The following CACNA1E variants were observed in gnomAD, a reference collection of about 807,000 sequenced individuals.
CACNA1E encodes the protein voltage-dependent R-type calcium channel subunit alpha-1E.
Under a neutral mutation model 259.2 loss-of-function variants are expected in CACNA1E, and 40 were observed. The ratio of observed to expected loss-of-function variants is 0.15; its 90% confidence interval spans 0.12 to 0.20. CACNA1E has a LOEUF of 0.20. CACNA1E is among the 10% of genes least tolerant of loss of function. CACNA1E has a pLI of 1.00. For missense variants in CACNA1E, 1,874 were observed against 3,040.1 expected, an observed-to-expected ratio of 0.62 and a Z score of 9.02; for synonymous variants, 1,104 against 1,138.5, an observed-to-expected ratio of 0.97 and a Z score of 0.61.
At chr1:181,356,052 A>C (rs1397193342) in intron 1 of CACNA1E, among the ~76,000 whole-genome samples, 2 of 152,056 alleles carry the variant, frequency 1.3e-5, no homozygotes, top group Admixed American at 1.3e-4. Context: ...CATTTTCATC[A>C]ACACCATAAA....
At chr1:181,351,056 T>C (rs1460430402) in intron 1 of CACNA1E, among the ~76,000 whole-genome samples, 1 of 152,170 alleles carries the variant, frequency 6.6e-6, no homozygotes, top group Non-Finnish European at 1.5e-5. Context: ...GAGACTGGGT[T>C]AGGAAAAGAC....
At chr1:181,694,295 TACTA>T (rs1426020096) in intron 7 of CACNA1E, among the ~76,000 whole-genome samples, 1 of 152,188 alleles carries the variant, frequency 6.6e-6, no homozygotes, top group African/African-American at 2.4e-5. Flanking sequence ...ACTTAAAACT[TACTA>T]GTCCTTTATA....
intron 3 of CACNA1E, among the ~76,000 whole-genome samples, chr1:181,528,056 C>A (rs1667492072): frequency 6.6e-6 from 1 of 151,996 alleles, no homozygotes; most frequent in Non-Finnish European, 1.5e-5. Flanking sequence ...CCCCATCTTT[C>A]CACTTCTGAT....
intron 3 of CACNA1E, among the ~76,000 whole-genome samples, chr1:181,552,266 C>T (rs914020408): frequency 2.6e-5 from 4 of 152,160 alleles, no homozygotes; most frequent in Non-Finnish European, 4.4e-5. Context: ...GATTCTCTGT[C>T]GTTCCCAGAT....
chr1:181,336,686 C>T (rs953248929), intron 1 of CACNA1E, among the ~76,000 whole-genome samples: 10 of 152,106 alleles, frequency 6.6e-5, no homozygotes, highest in Admixed American at 1.3e-4. Context: ...TTTTCATCTT[C>T]CCAAACTAGA....
Position 181,711,127 on chromosome 1 carries a change from C to T in CACNA1E, c.1171+58C>T, listed in dbSNP as rs113217900. The stretch of plus-strand genomic sequence containing the variant: ...TGGGCTGCAGAGACATCAGGGCCGG[C>T]CCCTCACTCCCAATGCTCCCATTCA... On this transcript the variant is annotated intron_variant, in intron 8 of 47. Coordinates refer to ENST00000367573, the MANE Select transcript of CACNA1E (RefSeq NM_001205293.3). 11 of 1,133,914 alleles carry T rather than the reference C, an allele frequency of 9.7e-6. 1 individual carries two copies. The South Asian group carries it at 1.2e-4, about 13-fold the overall frequency. 70.2% of individuals were successfully genotyped at this position (1,133,914 alleles called of 1,614,324 possible).
chr1:181,685,179 A>ATT (rs35187833), intron 7 of CACNA1E, among the ~76,000 whole-genome samples: 14,351 of 110,112 alleles, frequency 0.13, 838 homozygotes, highest in Admixed American at 0.17. Flanking sequence ...CAAAGGAAAC[A>ATT]TTTTTTTTTT....
intron 3 of CACNA1E, among the ~76,000 whole-genome samples, chr1:181,540,254 C>T (rs1353754787): frequency 2.6e-5 from 4 of 152,092 alleles, no homozygotes; most frequent in Non-Finnish European, 1.5e-5. Context: ...TCAGGAATGC[C>T]CTGTATCCTC....
At chr1:181,472,501 A>G (rs1245424758) in intron 2 of CACNA1E, among the ~76,000 whole-genome samples, 1 of 152,218 alleles carries the variant, frequency 6.6e-6, no homozygotes, top group Non-Finnish European at 1.5e-5. Context: ...AATGTACACA[A>G]TAAAATTTAT....
intron 25 of CACNA1E, among the ~76,000 whole-genome samples, chr1:181,749,935 C>T (rs1372242794): frequency 6.6e-6 from 1 of 152,174 alleles, no homozygotes; most frequent in African/African-American, 2.4e-5. Context: ...TTCTAAGAGA[C>T]ATCAGTGAGT....
At chr1:181,608,017 A>G (rs1449058865) in intron 6 of CACNA1E, among the ~76,000 whole-genome samples, 1 of 152,190 alleles carries the variant, frequency 6.6e-6, no homozygotes, top group African/African-American at 2.4e-5. Context: ...AGGTGAGGAA[A>G]TGAGGTTGTT....
chr1:181,381,896 C>T (rs551881230), intron 1 of CACNA1E, among the ~76,000 whole-genome samples: 24 of 152,220 alleles, frequency 1.6e-4, no homozygotes, highest in African/African-American at 5.1e-4. Context: ...GAACATATAG[C>T]TGAGAAAACC....
At chr1:181,388,472 G>A (rs887036515) in intron 1 of CACNA1E, among the ~76,000 whole-genome samples, 1 of 152,126 alleles carries the variant, frequency 6.6e-6, no homozygotes, top group African/African-American at 2.4e-5. Context: ...ATAGCCTATC[G>A]CTCCTAGGCT....
At chr1:181,755,881 C>T in intron 28 of CACNA1E, 75 bp from the exon 29 acceptor site, 5 of 1,442,254 alleles carry the variant, frequency 3.5e-6, no homozygotes, top group South Asian at 1.3e-5. Context: ...TTATTGCGGC[C>T]TGTAGAATGT....
chr1:181,364,586 G>A (rs1457364143), intron 1 of CACNA1E, among the ~76,000 whole-genome samples: 1 of 152,218 alleles, frequency 6.6e-6, no homozygotes, highest in African/African-American at 2.4e-5. Context: ...GGGTTGAATT[G>A]CAGGAAGCTA....
intron 7 of CACNA1E, among the ~76,000 whole-genome samples, chr1:181,672,016 A>G (rs1243014018): frequency 6.6e-6 from 1 of 152,248 alleles, no homozygotes. Context: ...TTGGATAAAG[A>G]AAATGTGGTA....
At chr1:181,629,657 G>C (rs1047553275) in intron 6 of CACNA1E, among the ~76,000 whole-genome samples, 1 of 151,824 alleles carries the variant, frequency 6.6e-6, no homozygotes, top group East Asian at 1.9e-4. Context: ...TCTAATATAA[G>C]TATATATAAA....
chr1:181,411,204 G>C (rs1319735184), intron 1 of CACNA1E, among the ~76,000 whole-genome samples: 1 of 152,222 alleles, frequency 6.6e-6, no homozygotes, highest in Non-Finnish European at 1.5e-5. Flanking sequence ...CCAGTACTTA[G>C]ACCTGCTGTG....
intron 2 of CACNA1E, among the ~76,000 whole-genome samples, chr1:181,448,849 C>T (rs1165619144): frequency 1.3e-5 from 2 of 152,226 alleles, no homozygotes; most frequent in African/African-American, 4.8e-5. Context: ...CTGTCCTGCT[C>T]ATCTCAGCTG....
Sources: gnomAD v4.1 joint callset for allele counts (sites outside exome capture counted in the v4.1 genomes callset) on GRCh38, gnomAD v4.1.1 for gene constraint, MANE v1.5 for transcripts, NCBI Gene and HGNC (gene_info 2026-07-23, HGNC 2026-07-21) for gene names.